Variants in ASTN2 observed in about 807,000 individuals in gnomAD.
ASTN2 encodes astrotactin-2.
A neutral mutation model predicts 139.8 loss-of-function variants in ASTN2; 54 were observed. The observed-to-expected ratio is 0.39, with a 90% CI of 0.31 to 0.48. The LOEUF (loss-of-function observed/expected upper bound fraction) is 0.48, where lower values mean the gene tolerates loss of function less well. Among genes scored for constraint, ASTN2 ranks in the 20% least tolerant of loss-of-function variants. The probability of loss-of-function intolerance (pLI) is 0.95; values close to 1 mark genes in which losing one functional copy is unlikely to be tolerated. For missense variants in ASTN2, 1,565 were observed against 1,725.1 expected (o/e 0.91, Z 1.64); for synonymous variants, 756 against 719.5 (o/e 1.05, Z -0.81).
intron 5 of ASTN2, among the ~76,000 whole-genome samples, chr9:117,075,257 G>C (rs1828248278): frequency 1.3e-5 from 2 of 152,132 alleles, no homozygotes; most frequent in South Asian, 4.1e-4. Flanking sequence ...CAGCCCCTCT[G>C]ACAAATGCTC....
chr9:117,191,415 T>A (rs1831345668), intron 3 of ASTN2, among the ~76,000 whole-genome samples: 1 of 152,166 alleles, frequency 6.6e-6, no homozygotes, highest in Admixed American at 6.5e-5. Context: ...AGTAAAAAGT[T>A]ACTGTGGCTA....
intron 6 of ASTN2, among the ~76,000 whole-genome samples, chr9:117,036,253 A>C (rs1034641704): frequency 6.6e-6 from 1 of 152,314 alleles, no homozygotes; most frequent in African/African-American, 2.4e-5. Context: ...TAAGGGATGG[A>C]GATTCCATTA....
intron 13 of ASTN2, among the ~76,000 whole-genome samples, chr9:116,735,788 G>A (rs1355186198): frequency 6.6e-6 from 1 of 152,206 alleles, no homozygotes; most frequent in African/African-American, 2.4e-5. Context: ...GCTGAGAAGA[G>A]CCTATGAGGA....
chr9:116,524,344 C>G (rs1851003022), intron 19 of ASTN2, among the ~76,000 whole-genome samples: 2 of 151,978 alleles, frequency 1.3e-5, no homozygotes, highest in African/African-American at 4.8e-5. Context: ...AAACACAGTA[C>G]TTTACTATTT....
chr9:116,997,036 C>T (rs1017280344), intron 7 of ASTN2, among the ~76,000 whole-genome samples: 1 of 152,138 alleles, frequency 6.6e-6, no homozygotes, highest in African/African-American at 2.4e-5. Context: ...ATACCTGAGG[C>T]TACCTTCTTC....
chr9:116,705,884 A>G (rs1402288019), intron 16 of ASTN2, among the ~76,000 whole-genome samples: 1 of 152,170 alleles, frequency 6.6e-6, no homozygotes, highest in Non-Finnish European at 1.5e-5. Flanking sequence ...TAGGATGAAG[A>G]GTGAGAAGTT....
intron 3 of ASTN2, among the ~76,000 whole-genome samples, chr9:117,196,686 T>G (rs1831514746): frequency 6.6e-6 from 1 of 152,162 alleles, no homozygotes; most frequent in Non-Finnish European, 1.5e-5. Flanking sequence ...ACCAAAAGAA[T>G]CATTTTTCAT....
chr9:116,833,232 C>T (rs1405044107), intron 11 of ASTN2, among the ~76,000 whole-genome samples: 1 of 152,080 alleles, frequency 6.6e-6, no homozygotes, highest in Non-Finnish European at 1.5e-5. Flanking sequence ...TTTTGATTTA[C>T]ACAAGGTCTG....
intron 13 of ASTN2, among the ~76,000 whole-genome samples, chr9:116,769,362 T>C (rs572458843): frequency 6.6e-6 from 1 of 152,180 alleles, no homozygotes; most frequent in East Asian, 1.9e-4. Flanking sequence ...GAAGGCAGAC[T>C]GTGGTGGGCG....
chr9:117,226,592 GGT>G (rs1564490884), intron 2 of ASTN2, among the ~76,000 whole-genome samples: 1 of 148,892 alleles, frequency 6.7e-6, no homozygotes, highest in Non-Finnish European at 1.5e-5. Context: ...TCATAAAGCG[GGT>G]TTGTTTGTTT....
At chr9:116,460,575 GT>G (rs756863373) in intron 20 of ASTN2, among the ~76,000 whole-genome samples, 4 of 152,078 alleles carry the variant, frequency 2.6e-5, no homozygotes, top group Non-Finnish European at 5.9e-5. Context: ...AGTAGAAAGT[GT>G]TACTTATAGA....
At chr9:117,357,302 T>C (rs1829566524) in intron 1 of ASTN2, among the ~76,000 whole-genome samples, 1 of 152,136 alleles carries the variant, frequency 6.6e-6, no homozygotes, top group Non-Finnish European at 1.5e-5. Context: ...CATAATAATT[T>C]CGTAATGTTT....
chr9:117,175,020 C>T lies in ASTN2; in HGVS notation c.1016-33542G>A, dbSNP rs1011808563. Reference sequence around the variant, plus strand: ...AATTCAAATACAAGATACAAAGATTCGCAAGACTATTAATGGCAAATTATG... The same window carrying T: ...AATTCAAATACAAGATACAAAGATTTGCAAGACTATTAATGGCAAATTATG... On this transcript the variant is annotated intron_variant, in intron 3 of 22. Transcript: ENST00000313400. Among the ~76,000 whole-genome samples, 4 of 151,788 alleles carry T rather than the reference C, an allele frequency of 2.6e-5. No individual in the cohort carries two copies. In the East Asian group the frequency reaches 5.8e-4, roughly 22 times the overall value.
At chr9:116,641,164 C>T (rs868558755) in intron 17 of ASTN2, among the ~76,000 whole-genome samples, 6 of 152,228 alleles carry the variant, frequency 3.9e-5, no homozygotes, top group East Asian at 1.9e-4. Context: ...TAGAATGAAT[C>T]GAAGTGAATC....
chr9:117,380,338 A>G (rs928665412), intron 1 of ASTN2, among the ~76,000 whole-genome samples: 2 of 152,064 alleles, frequency 1.3e-5, no homozygotes, highest in African/African-American at 2.4e-5. Context: ...CAGGCATGGT[A>G]GCTCATGCCT....
At chr9:116,732,762 G>A (rs971009009) in intron 14 of ASTN2, among the ~76,000 whole-genome samples, 2 of 152,168 alleles carry the variant, frequency 1.3e-5, no homozygotes. Context: ...TTGCAGGGGT[G>A]GGGGAGCGGC....
Position 116,698,845 on chromosome 9 carries a change from C to G in ASTN2, c.2806+26926G>C, listed in dbSNP as rs763986341. The G allele has an allele frequency of 6.2e-7, 1 of 1,614,204 alleles. No individual in the cohort carries two copies. Among genetic ancestry groups the G allele is most frequent in the Non-Finnish European group, 8.5e-7 (1 of 1,180,042 alleles). ...AAGATGGGGGCCAAAGGCAGCACTC[C>G]AGGAATGTTCAATCTTCCAGTCAGT... is the stretch of plus-strand genomic sequence containing the variant. On this transcript the variant is annotated intron_variant, in intron 16 of 22. Transcript: ENST00000313400. The surrounding 1 kb of genome is among the most constrained non-coding windows in gnomAD (Gnocchi z 4.4).
At chr9:116,689,905 G>A (rs933911765) in intron 16 of ASTN2, among the ~76,000 whole-genome samples, 1 of 152,162 alleles carries the variant, frequency 6.6e-6, no homozygotes, top group African/African-American at 2.4e-5. Context: ...AGGGACTGAG[G>A]CTGAAGGCAG....
chr9:117,194,877 G>A (rs1831451873), intron 3 of ASTN2, among the ~76,000 whole-genome samples: 1 of 152,178 alleles, frequency 6.6e-6, no homozygotes, highest in African/African-American at 2.4e-5. Flanking sequence ...TGCTAAACAA[G>A]ATTTGTCCAG....
Sources: allele counts gnomAD v4.1 joint callset (sites outside exome capture counted in the v4.1 genomes callset), GRCh38; gene constraint gnomAD v4.1.1; non-coding constraint Gnocchi (gnomAD v3.1); transcripts MANE v1.5; gene names NCBI Gene and HGNC (gene_info 2026-07-23, HGNC 2026-07-21).